Variants in WDFY4 observed in about 807,000 individuals in gnomAD.
WDFY4 encodes the protein WD repeat- and FYVE domain-containing protein 4.
Under a neutral mutation model 351.9 loss-of-function variants are expected in WDFY4, and 169 were observed. That is an observed-to-expected ratio of 0.48 (90% CI 0.42 to 0.55). The LOEUF is 0.55. Among genes scored for constraint, WDFY4 ranks in the 20% least tolerant of loss-of-function variants. The pLI, the probability that WDFY4 is intolerant of heterozygous loss-of-function variation, is 0.00. For missense variants in WDFY4, 3,803 were observed against 3,935.6 expected, an observed-to-expected ratio of 0.97 and a Z score of 0.90; for synonymous variants, 1,622 against 1,574.6, an observed-to-expected ratio of 1.03 and a Z score of -0.71.
chr10:48,825,330 A>G (rs1313701536), intron 35 of WDFY4, among the ~76,000 whole-genome samples: 1 of 152,136 alleles, frequency 6.6e-6, no homozygotes, highest in Non-Finnish European at 1.5e-5. Context: ...TGGTATATAT[A>G]CACCATATTT....
chr10:48,859,344 A>G (rs2069254387), intron 39 of WDFY4, among the ~76,000 whole-genome samples: 1 of 152,216 alleles, frequency 6.6e-6, no homozygotes, highest in South Asian at 2.1e-4. Context: ...ATAAGATGTT[A>G]GCTGTAGAGT....
chr10:48,788,294 G>T (rs965446654), intron 20 of WDFY4, among the ~76,000 whole-genome samples: 1 of 152,126 alleles, frequency 6.6e-6, no homozygotes, highest in Non-Finnish European at 1.5e-5. Context: ...CTCCCAAAGT[G>T]CTGGGATTAC....
chr10:48,789,844 C>A, intron 21 of WDFY4, 30 bp from the exon 22 acceptor site: 1 of 1,549,652 alleles, frequency 6.5e-7, no homozygotes. Context: ...GCAGGACTTT[C>A]TTAGGACTAA....
rs150752351 is a variant in WDFY4 at position 48,757,638 on chromosome 10, C to A, written c.2460-2709C>A. 1.4e-3 allele frequency among the ~76,000 whole-genome samples: 208 copies of A among 150,688 alleles called. 2 individuals carry two copies. Among genetic ancestry groups the A allele is most frequent in the Middle Eastern group, 0.014 (4 of 290 alleles). ...TTCAGGATTTTATTGTTTGTTTTCT[C>A]TTTTTTTTTACTCTTTTTTTGTTCC... On this transcript the variant is annotated intron_variant, in intron 12 of 61. Coordinates refer to ENST00000325239, the MANE Select transcript of WDFY4 (RefSeq NM_001394531.1).
At chr10:48,898,646 G>A (rs1837207854) in intron 45 of WDFY4, among the ~76,000 whole-genome samples, 1 of 152,216 alleles carries the variant, frequency 6.6e-6, no homozygotes, top group African/African-American at 2.4e-5. Context: ...AAAGGCCCCA[G>A]CTGCCCTCCT....
At chr10:48,848,157 A>G (rs2068840281) in intron 39 of WDFY4, among the ~76,000 whole-genome samples, 1 of 152,184 alleles carries the variant, frequency 6.6e-6, no homozygotes, top group African/African-American at 2.4e-5. Flanking sequence ...TGTGGAGCCC[A>G]GGCTGTCCCG....
At chr10:48,712,924 T>G (rs1032332598) in intron 2 of WDFY4, among the ~76,000 whole-genome samples, 1 of 152,246 alleles carries the variant, frequency 6.6e-6, no homozygotes, top group East Asian at 1.9e-4. Flanking sequence ...GCCTGGGCTC[T>G]GAGACTCCTG....
Position 48,731,218 on chromosome 10 carries a change from G to A in WDFY4, c.1238G>A (p.Trp413Ter), listed in dbSNP as rs904704403. 6.4e-7 allele frequency: 1 copy of A among 1,551,720 alleles called. No homozygotes were observed. The highest frequency in any genetic ancestry group is 1.4e-5 in the African/African-American group (1 of 73,040). The change falls in exon 9 of 62, where the codon TGG becomes TAG. Residue 413 changes from tryptophan to a stop codon, truncating the protein, a stop_gained. Coordinates refer to ENST00000325239, the MANE Select transcript of WDFY4 (RefSeq NM_001394531.1). LOFTEE classifies it high-confidence loss of function. ...GTCTTGTCAGTCATCAGGACCATGTGGGCCTGGAATGCTCGAAACTTCTTC... is the reference window on the plus strand; with the variant it reads ...GTCTTGTCAGTCATCAGGACCATGTAGGCCTGGAATGCTCGAAACTTCTTC... ...IQVLSVIRTM[W>*]AWNARNFFLL... is the part of the protein sequence containing the mutation.
chr10:48,784,144 G>A (rs952547814), intron 19 of WDFY4, among the ~76,000 whole-genome samples: 1 of 152,210 alleles, frequency 6.6e-6, no homozygotes, highest in Non-Finnish European at 1.5e-5. Context: ...ATAAAGCTTT[G>A]TGAGCATTTG....
At chr10:48,847,612 G>T (rs1231983120) in intron 39 of WDFY4, among the ~76,000 whole-genome samples, 1 of 152,126 alleles carries the variant, frequency 6.6e-6, no homozygotes, top group Non-Finnish European at 1.5e-5. Context: ...GAGAATAGGC[G>T]AGTTCAGGGA....
Position 48,702,368 on chromosome 10 carries a change from C to T in WDFY4, c.-17-7348C>T, listed in dbSNP as rs187405313. On this transcript the variant is annotated intron_variant, in intron 1 of 61. Transcript: ENST00000325239. Reference sequence around the variant, plus strand: ...GGACATTTCTATCCCCCGCAAAATTCCATCCTGCCTTCGTAGTCATCCCCT... The same window carrying T: ...GGACATTTCTATCCCCCGCAAAATTTCATCCTGCCTTCGTAGTCATCCCCT... Among the ~76,000 whole-genome samples, 405 of 152,298 alleles carry T rather than the reference C, an allele frequency of 2.7e-3. 1 individual carries two copies. The highest frequency in any genetic ancestry group is 4.9e-3 in the Non-Finnish European group (332 of 68,034).
chr10:48,902,583 T>C (rs910692807), intron 47 of WDFY4, among the ~76,000 whole-genome samples: 1 of 151,876 alleles, frequency 6.6e-6, no homozygotes, highest in African/African-American at 2.4e-5. Flanking sequence ...TAGCTTGTGA[T>C]ACATGGTATT....
At chr10:48,715,726 T>C (rs971923827) in intron 2 of WDFY4, among the ~76,000 whole-genome samples, 3 of 151,986 alleles carry the variant, frequency 2.0e-5, no homozygotes, top group African/African-American at 7.2e-5. Context: ...CCCAGATTCA[T>C]GCCATTCTCC....
intron 39 of WDFY4, among the ~76,000 whole-genome samples, chr10:48,837,645 C>G (rs965592275): frequency 1.3e-5 from 2 of 152,130 alleles, no homozygotes; most frequent in African/African-American, 4.8e-5. Context: ...GAGACAGCAC[C>G]TGGGGGTGGG....
At chr10:48,954,539 G>A (rs1841492973) in intron 51 of WDFY4, among the ~76,000 whole-genome samples, 1 of 152,168 alleles carries the variant, frequency 6.6e-6, no homozygotes, top group Non-Finnish European at 1.5e-5. Flanking sequence ...TGTAAACCTT[G>A]ACTGGGTCTC....
At chr10:48,872,237 G>GT (rs1398157466) in intron 40 of WDFY4, among the ~76,000 whole-genome samples, 1 of 152,236 alleles carries the variant, frequency 6.6e-6, no homozygotes, top group Non-Finnish European at 1.5e-5. Flanking sequence ...AAGTCTTCCA[G>GT]TTTTTTGAAA....
At chr10:48,913,681 T>G in intron 47 of WDFY4, 1 of 1,613,392 alleles carries the variant, frequency 6.2e-7, no homozygotes, top group South Asian at 1.1e-5. Context: ...CTCACGGGGA[T>G]GTTGTTCAGT....
chr10:48,717,107 G>T (rs2063934898), intron 2 of WDFY4, among the ~76,000 whole-genome samples: 1 of 152,236 alleles, frequency 6.6e-6, no homozygotes, highest in Non-Finnish European at 1.5e-5. Flanking sequence ...CATAGTAATA[G>T]TACAAACCTC....
chr10:48,968,787 G>T (rs951838292), intron 55 of WDFY4: 6 of 448,492 alleles, frequency 1.3e-5, no homozygotes, highest in Non-Finnish European at 8.2e-6. Flanking sequence ...TGGGGCTGGG[G>T]GTGGCTCCCA....
Sources: gnomAD v4.1 joint callset for allele counts (sites outside exome capture counted in the v4.1 genomes callset) on GRCh38, gnomAD v4.1.1 for gene constraint, MANE v1.5 for transcripts, NCBI Gene and HGNC (gene_info 2026-07-23, HGNC 2026-07-21) for gene names.